Variants in PRSS23 observed in about 807,000 individuals in gnomAD.
The protein encoded by PRSS23 is serine protease 23.
PRSS23 carries 25 observed loss-of-function variants against 34.7 expected under a neutral mutation model. The observed-to-expected ratio is 0.72, with a 90% CI of 0.53 to 1.01. The LOEUF is 1.01. Among genes scored for constraint, PRSS23 ranks in the 50% least tolerant of loss-of-function variants. PRSS23 has a pLI of 0.00. For synonymous variants in PRSS23, 176 were observed against 186.6 expected (o/e 0.94, Z 0.46); for missense variants, 445 against 475.6 (o/e 0.94, Z 0.60).
At chr11:86,796,231 T>A (rs1372670479), upstream of PRSS23, among the ~76,000 whole-genome samples, 1 of 151,992 alleles carries the variant, frequency 6.6e-6, no homozygotes, top group African/African-American at 2.4e-5. Flanking sequence ...TGGGCAGAGG[T>A]CACAGCTGTG....
intron 2 of PRSS23, among the ~76,000 whole-genome samples, chr11:86,885,023 C>T (rs985697667): frequency 6.6e-6 from 1 of 152,160 alleles, no homozygotes; most frequent in Admixed American, 6.5e-5. Context: ...ATATTGTGCT[C>T]ATTGGAATAT....
chr11:86,823,499 T>C, exon 2 of PRSS23: 1 of 702,490 alleles, frequency 1.4e-6, no homozygotes. Context: ...ACCTCCTGAA[T>C]ACCAACTAGG....
intron 2 of PRSS23, among the ~76,000 whole-genome samples, chr11:86,882,897 G>A (rs2134963026): frequency 6.6e-6 from 1 of 152,232 alleles, no homozygotes; most frequent in East Asian, 1.9e-4. Flanking sequence ...TAGACATTCT[G>A]ACTGGTGTGA....
At chr11:86,891,657 G>C (rs1948841811) in intron 2 of PRSS23, among the ~76,000 whole-genome samples, 2 of 152,130 alleles carry the variant, frequency 1.3e-5, no homozygotes, top group Non-Finnish European at 2.9e-5. Flanking sequence ...CACTACGTCT[G>C]CTATGGTTTT....
intron 2 of PRSS23, among the ~76,000 whole-genome samples, chr11:86,835,875 G>T (rs570049532): frequency 1.3e-5 from 2 of 152,220 alleles, no homozygotes; most frequent in Non-Finnish European, 2.9e-5. Context: ...AATCATCCAC[G>T]TACCGAAGGA....
chr11:86,893,866 T>G (rs1353760188), intron 2 of PRSS23, among the ~76,000 whole-genome samples: 1 of 152,206 alleles, frequency 6.6e-6, no homozygotes, highest in Non-Finnish European at 1.5e-5. Flanking sequence ...GAATTTAAAG[T>G]ACCCCACTTA....
At chr11:86,939,187 G>T in intron 2 of PRSS23, 1 of 341,848 alleles carries the variant, frequency 2.9e-6, no homozygotes, top group Admixed American at 4.3e-5. Flanking sequence ...GGGTACTTAA[G>T]AAGTGCTTGT....
At chr11:86,861,493 C>T (rs182017150) in intron 2 of PRSS23, among the ~76,000 whole-genome samples, 2 of 151,660 alleles carry the variant, frequency 1.3e-5, no homozygotes, top group Admixed American at 6.6e-5. Context: ...TTCCCTATAT[C>T]GCAGAAGGTG....
chr11:86,858,199 T>G (rs1374184633), intron 2 of PRSS23, among the ~76,000 whole-genome samples: 1 of 151,816 alleles, frequency 6.6e-6, no homozygotes, highest in African/African-American at 2.4e-5. Context: ...TTGTACACCT[T>G]CCTGTGATAT....
At chr11:86,892,404 T>C (rs1565378936) in intron 2 of PRSS23, 1 of 152,218 alleles carries the variant, frequency 6.6e-6, no homozygotes, top group East Asian at 1.9e-4. Context: ...TTGAATGAGA[T>C]TGGGCGGGAG....
intron 2 of PRSS23, among the ~76,000 whole-genome samples, chr11:86,939,426 A>ATATATATATTTTT: frequency 7.2e-4 from 68 of 94,062 alleles, no homozygotes; most frequent in Middle Eastern, 7.0e-3. Flanking sequence ...ATATATATAT[A>ATATATATATTTTT]TTTTTTAACA....
At chr11:86,796,584 T>A (rs564187835), upstream of PRSS23, among the ~76,000 whole-genome samples, 1 of 131,242 alleles carries the variant, frequency 7.6e-6, no homozygotes, top group Non-Finnish European at 1.5e-5. Flanking sequence ...GAGCTTGCAG[T>A]GAGCCGAGAT....
intron 2 of PRSS23, among the ~76,000 whole-genome samples, chr11:86,858,307 G>A (rs1284887897): frequency 6.6e-6 from 1 of 152,060 alleles, no homozygotes; most frequent in African/African-American, 2.4e-5. Flanking sequence ...TCCAGTGGGG[G>A]AGAGAATGAT....
chr11:86,943,072 A>G (rs1457175060), intron 2 of PRSS23, among the ~76,000 whole-genome samples: 1 of 152,252 alleles, frequency 6.6e-6, no homozygotes, highest in Non-Finnish European at 1.5e-5. Flanking sequence ...CTTGGGTCAC[A>G]TTCCAGTTAG....
At chr11:86,941,167 C>T (rs1949204868) in intron 2 of PRSS23, 1 of 152,230 alleles carries the variant, frequency 6.6e-6, no homozygotes, top group African/African-American at 2.4e-5. Context: ...TACATATTTA[C>T]ATCAGCAGAT....
intron 1 of PRSS23, among the ~76,000 whole-genome samples, chr11:86,819,554 G>T (rs1948238452): frequency 6.6e-6 from 1 of 152,022 alleles, no homozygotes; most frequent in Admixed American, 6.6e-5. Flanking sequence ...TGAACATAAG[G>T]CTTCTTAAGA....
chr11:86,906,232 G>A (rs1948941199), intron 2 of PRSS23, among the ~76,000 whole-genome samples: 1 of 152,202 alleles, frequency 6.6e-6, no homozygotes, highest in Non-Finnish European at 1.5e-5. Context: ...GATTGGAAAG[G>A]GAAGGGTTCC....
intron 2 of PRSS23, among the ~76,000 whole-genome samples, chr11:86,901,082 G>C (rs1420436600): frequency 6.6e-6 from 1 of 151,880 alleles, no homozygotes; most frequent in Non-Finnish European, 1.5e-5. Flanking sequence ...ACCATACCCG[G>C]CTTATCATCT....
intron 2 of PRSS23, among the ~76,000 whole-genome samples, chr11:86,914,180 C>T (rs61904388): frequency 0.2 from 30,218 of 151,848 alleles, 3,360 homozygotes; most frequent in East Asian, 0.4. Context: ...AAGCCGAGAT[C>T]GTGCCACTAC....
Sources: allele counts gnomAD v4.1 joint callset (sites outside exome capture counted in the v4.1 genomes callset), GRCh38; gene constraint gnomAD v4.1.1; transcripts MANE v1.5; gene names NCBI Gene and HGNC (gene_info 2026-07-23, HGNC 2026-07-21).